The following LRP1B variants were observed in gnomAD, a reference collection of about 807,000 sequenced individuals.
LRP1B encodes the protein low-density lipoprotein receptor-related protein 1B.
Under a neutral mutation model 556.6 loss-of-function variants are expected in LRP1B, and 217 were observed. The ratio of observed to expected loss-of-function variants is 0.39; its 90% CI spans 0.35 to 0.44. LRP1B has a LOEUF of 0.44. Among genes scored for constraint, LRP1B ranks in the 20% least tolerant of loss-of-function variants. LRP1B has a pLI of 1.00. For missense variants in LRP1B, 5,053 were observed against 5,620.8 expected, an observed-to-expected ratio of 0.90 and a Z score of 3.23; for synonymous variants, 2,047 against 1,865.8, an observed-to-expected ratio of 1.10 and a Z score of -2.50.
intron 35 of LRP1B, among the ~76,000 whole-genome samples, chr2:140,741,490 T>C (rs1688136176): frequency 6.6e-6 from 1 of 152,162 alleles, no homozygotes; most frequent in South Asian, 2.1e-4. Flanking sequence ...ATTATTTTTT[T>C]TTTCTTTTAG....
chr2:140,356,828 C>A (rs1164685997), intron 74 of LRP1B, among the ~76,000 whole-genome samples: 1 of 151,738 alleles, frequency 6.6e-6, no homozygotes, highest in Non-Finnish European at 1.5e-5. Context: ...TCTCTGAGAG[C>A]CAAAGCATTT....
rs1333992204 is a variant in LRP1B, at chr2:141,777,573, AC to A, written c.205+32705del. ...TGGGATTACAGGTGTGGGCCACCAC[AC>A]CCGGCTTATTTTGTATTTTTAGTAG... On this transcript the variant is annotated intron_variant, in intron 2 of 90. Coordinates refer to ENST00000389484, the MANE Select transcript of LRP1B (RefSeq NM_018557.3). Among the ~76,000 whole-genome samples the A allele has an allele frequency of 2.0e-5, 3 of 151,182 alleles. No individual in the cohort carries two copies. In the East Asian group the frequency reaches 5.9e-4, roughly 30 times the overall value.
chr2:140,595,676 T>C (rs1176715264), intron 43 of LRP1B, among the ~76,000 whole-genome samples: 3 of 152,114 alleles, frequency 2.0e-5, no homozygotes, highest in Admixed American at 1.3e-4. Flanking sequence ...AAATTAATTA[T>C]AAAGTATAAG....
At chr2:141,180,959 A>T (rs80070943) in intron 7 of LRP1B, among the ~76,000 whole-genome samples, 3,208 of 152,102 alleles carry the variant, frequency 0.021, 42 homozygotes, top group South Asian at 0.061. Context: ...GCCATGGGAC[A>T]GTGGTGGTAA....
chr2:140,457,153 A>T (rs1331375319), intron 61 of LRP1B, among the ~76,000 whole-genome samples: 1 of 152,188 alleles, frequency 6.6e-6, no homozygotes, highest in Non-Finnish European at 1.5e-5. Context: ...GAAACTAAGG[A>T]TCCTCTATTT....
At chr2:142,013,842 A>T (rs1292076866) in intron 1 of LRP1B, among the ~76,000 whole-genome samples, 1 of 152,146 alleles carries the variant, frequency 6.6e-6, no homozygotes, top group Non-Finnish European at 1.5e-5. Flanking sequence ...TGAGCCTGGG[A>T]CTTGCTGGGC....
chr2:141,719,611 T>A (rs79518328), intron 2 of LRP1B, among the ~76,000 whole-genome samples: 189 of 152,050 alleles, frequency 1.2e-3, no homozygotes, highest in African/African-American at 4.3e-3. Context: ...AGACTAGACA[T>A]AAATAGATAG....
intron 1 of LRP1B, among the ~76,000 whole-genome samples, chr2:142,057,349 T>A (rs563713722): frequency 1.3e-5 from 2 of 152,254 alleles, no homozygotes; most frequent in South Asian, 4.1e-4. Flanking sequence ...CAGCAGAGTG[T>A]ATCTCAGTGA....
intron 83 of LRP1B, among the ~76,000 whole-genome samples, chr2:140,299,490 A>T (rs1041311474): frequency 1.3e-5 from 2 of 152,152 alleles, no homozygotes; most frequent in African/African-American, 4.8e-5. Context: ...GGTAAATTTT[A>T]TATACGTTAA....
chr2:141,490,488 T>A (rs1282781588), intron 2 of LRP1B, among the ~76,000 whole-genome samples: 1 of 151,884 alleles, frequency 6.6e-6, no homozygotes, highest in Non-Finnish European at 1.5e-5. Flanking sequence ...GGTTAAGTCA[T>A]AACATTTTCC....
At chr2:140,622,475 T>C in intron 41 of LRP1B, among the ~76,000 whole-genome samples, 1 of 152,292 alleles carries the variant, frequency 6.6e-6, no homozygotes, top group Middle Eastern at 3.4e-3. Flanking sequence ...GATTGCTTCC[T>C]GTCAGTCGGT....
At chr2:141,840,932 G>GA (rs5834873) in intron 1 of LRP1B, among the ~76,000 whole-genome samples, 82,857 of 145,744 alleles carry the variant, frequency 0.57, 23,426 homozygotes, top group Middle Eastern at 0.66. Flanking sequence ...TGCATCTAGG[G>GA]AAAAAAAAAA....
intron 27 of LRP1B, among the ~76,000 whole-genome samples, chr2:140,864,133 T>A (rs1305674693): frequency 6.6e-6 from 1 of 151,968 alleles, no homozygotes. Context: ...ACTGGATGGC[T>A]AACAATTTTT....
chr2:140,245,590 G>T (rs1246336751), intron 87 of LRP1B, among the ~76,000 whole-genome samples: 1 of 151,168 alleles, frequency 6.6e-6, no homozygotes, highest in Admixed American at 6.6e-5. Flanking sequence ...AACTTCAAAT[G>T]CATTTTTTTA....
At chr2:140,757,464 G>A (rs556523805) in intron 35 of LRP1B, among the ~76,000 whole-genome samples, 174 of 152,266 alleles carry the variant, frequency 1.1e-3, no homozygotes, top group African/African-American at 4.1e-3. Flanking sequence ...GGCAAAAAAA[G>A]CAATGAAGTA....
chr2:141,733,301 T>C (rs1386207608), intron 2 of LRP1B, among the ~76,000 whole-genome samples: 1 of 152,170 alleles, frequency 6.6e-6, no homozygotes, highest in East Asian at 1.9e-4. Context: ...ATGTTTGAAT[T>C]ACGATTGGTC....
intron 41 of LRP1B, among the ~76,000 whole-genome samples, chr2:140,670,456 A>T (rs1440923914): frequency 6.6e-6 from 1 of 152,190 alleles, no homozygotes; most frequent in Admixed American, 6.5e-5. Context: ...AGTAATGGAT[A>T]CTTGTATAAA....
intron 75 of LRP1B, among the ~76,000 whole-genome samples, chr2:140,355,091 A>G (rs1187068652): frequency 6.6e-6 from 1 of 151,950 alleles, no homozygotes; most frequent in Non-Finnish European, 1.5e-5. Context: ...AATACAAAAA[A>G]GTGGATTCAT....
At chr2:140,383,293 C>CGT (rs35151647) in intron 67 of LRP1B, among the ~76,000 whole-genome samples, 23,892 of 145,630 alleles carry the variant, frequency 0.16, 2,101 homozygotes, top group East Asian at 0.45. Flanking sequence ...CAGTGATGTG[C>CGT]GTGTGTGTGT....
Sources: gnomAD v4.1 joint callset for allele counts (sites outside exome capture counted in the v4.1 genomes callset) on GRCh38, gnomAD v4.1.1 for gene constraint, MANE v1.5 for transcripts, NCBI Gene and HGNC (gene_info 2026-07-23, HGNC 2026-07-21) for gene names.